LMO7: variants seen among roughly 807,000 people sequenced by gnomAD.
LMO7 encodes LIM domain only protein 7.
Under a neutral mutation model 206.5 loss-of-function variants are expected in LMO7, and 120 were observed. That is an observed-to-expected ratio of 0.58 (90% CI 0.50 to 0.68). The LOEUF is 0.68. Among genes scored for constraint, LMO7 ranks in the 30% least tolerant of loss-of-function variants. The probability of loss-of-function intolerance (pLI) is 0.00; values close to 1 mark genes in which losing one functional copy is unlikely to be tolerated. For synonymous variants in LMO7, 706 were observed against 681.5 expected, an observed-to-expected ratio of 1.04 and a Z score of -0.56; for missense variants, 1,959 against 1,957.9, an observed-to-expected ratio of 1.00 and a Z score of -0.01.
chr13:75,632,348 C>T (rs532120923), upstream of LMO7, among the ~76,000 whole-genome samples: 7 of 152,172 alleles, frequency 4.6e-5, no homozygotes, highest in Non-Finnish European at 1.0e-4. Flanking sequence ...ATTTGCAAAA[C>T]CCTCCAGCCT....
At chr13:75,837,864 G>T (rs189280256) in intron 19 of LMO7, among the ~76,000 whole-genome samples, 1 of 152,188 alleles carries the variant, frequency 6.6e-6, no homozygotes, top group Admixed American at 6.5e-5. Context: ...CATGGAAGAT[G>T]ATACTTTGGC....
chr13:75,796,619 ATT>A lies in LMO7; in HGVS notation c.349-5_349-4del, dbSNP rs11351364. ...AATCGACTGATCTTGTTGTTCATGG[ATT>A]TTTTTTTTTTTAAGGTTTTGATAAC... On this transcript the variant is annotated splice_polypyrimidine_tract_variant and intron_variant, in intron 5 of 30. Coordinates refer to ENST00000377534, the MANE Select transcript of LMO7 (RefSeq NM_001306080.2). 7,978 of 1,277,704 alleles carry A rather than the reference ATT, an allele frequency of 6.2e-3. No homozygotes were observed. The highest frequency in any genetic ancestry group is 0.013 in the East Asian group (467 of 36,446). 79.1% of individuals were successfully genotyped at this position (1,277,704 alleles called of 1,614,324 possible).
At chr13:75,843,751 T>C (rs1270482158) in intron 25 of LMO7, among the ~76,000 whole-genome samples, 1 of 152,188 alleles carries the variant, frequency 6.6e-6, no homozygotes, top group East Asian at 1.9e-4. Context: ...ACTAAGGACT[T>C]CTAAACAGTC....
At chr13:75,836,218 A>G (rs1595421227) in intron 18 of LMO7, among the ~76,000 whole-genome samples, 179 bp from the exon 19 acceptor site, 1 of 152,196 alleles carries the variant, frequency 6.6e-6, no homozygotes, top group African/African-American at 2.4e-5. Context: ...TTCTGCCACA[A>G]ATATTGAAGT....
At chr13:75,721,020 A>G (rs1037883750) in intron 2 of LMO7, among the ~76,000 whole-genome samples, 40 of 152,216 alleles carry the variant, frequency 2.6e-4, no homozygotes, top group African/African-American at 9.2e-4. Flanking sequence ...AATAAAAGTT[A>G]TTAATTTAAA....
chr13:75,632,015 T>C (rs1457403735), upstream of LMO7: 1 of 152,202 alleles, frequency 6.6e-6, no homozygotes, highest in Non-Finnish European at 1.5e-5. Context: ...ATTGTACCCC[T>C]TTCTCCCATC....
At position 75,795,426 on chromosome 13, in the gene LMO7, A is replaced by C. The variant is rs773782516; in HGVS notation, c.343A>C (p.Lys115Gln). ...VKQEETDRRV[K>Q]NVLITLYWLG... Reference sequence around the variant, plus strand: ...GCAAGAAGAGACTGACAGGAGAGTGAAAAATGTAAGATACATTTACCTTAA... The same window carrying C: ...GCAAGAAGAGACTGACAGGAGAGTGCAAAATGTAAGATACATTTACCTTAA... Residue 115 changes from lysine to glutamine, a missense_variant, in exon 5 of 31, where the codon AAA becomes CAA. Lys to Gln is a moderately conservative substitution (Grantham distance 53). Coordinates refer to ENST00000377534, the MANE Select transcript of LMO7 (RefSeq NM_001306080.2). 3 of 1,589,382 alleles carry C rather than the reference A, an allele frequency of 1.9e-6. No individual in the cohort carries two copies. Among genetic ancestry groups the C allele is most frequent in the Non-Finnish European group, 2.6e-6 (3 of 1,162,156 alleles).
chr13:75,835,977 T>C (rs972060980), intron 18 of LMO7, among the ~76,000 whole-genome samples: 23 of 152,190 alleles, frequency 1.5e-4, no homozygotes, highest in Admixed American at 9.8e-4. Context: ...TATGCACTTA[T>C]ACTCACTCCT....
intron 2 of LMO7, among the ~76,000 whole-genome samples, chr13:75,716,917 T>A (rs555098569): frequency 6.8e-6 from 1 of 146,306 alleles, no homozygotes; most frequent in East Asian, 2.0e-4. Flanking sequence ...TTTTCTCTGA[T>A]GAAGAAAGAA....
chr13:75,661,500 C>T (rs1268120255), intron 1 of LMO7, among the ~76,000 whole-genome samples: 1 of 152,118 alleles, frequency 6.6e-6, no homozygotes, highest in Non-Finnish European at 1.5e-5. Context: ...AAGTAAGAAG[C>T]TGTTTCAATT....
chr13:75,753,320 A>C (rs981306586), intron 3 of LMO7, among the ~76,000 whole-genome samples: 1 of 151,964 alleles, frequency 6.6e-6, no homozygotes, highest in East Asian at 1.9e-4. Context: ...CTGCTGTTGG[A>C]TGTATATAGT....
intron 2 of LMO7, among the ~76,000 whole-genome samples, chr13:75,718,539 C>G (rs917465328): frequency 3.3e-5 from 5 of 152,080 alleles, no homozygotes; most frequent in African/African-American, 1.2e-4. Context: ...ACAGAAAGAT[C>G]CCATATTTTC....
intron 28 of LMO7, 183 bp from the exon 29 acceptor site, chr13:75,855,077 G>T (rs1241161566): frequency 5.8e-6 from 3 of 519,138 alleles, no homozygotes; most frequent in Non-Finnish European, 1.0e-5. Context: ...CCATGGAGAT[G>T]GTTCAAAGTT....
intron 3 of LMO7, among the ~76,000 whole-genome samples, chr13:75,737,546 G>T (rs2045931032): frequency 6.7e-6 from 1 of 149,078 alleles, no homozygotes; most frequent in Non-Finnish European, 1.5e-5. Flanking sequence ...GAGGTCAGGA[G>T]ATCGAGACCA....
intron 1 of LMO7, among the ~76,000 whole-genome samples, chr13:75,650,726 AT>A (rs1017694783): frequency 5.9e-5 from 9 of 152,022 alleles, no homozygotes; most frequent in South Asian, 2.1e-4. Flanking sequence ...AAATAAATTG[AT>A]TTTTTTGTCT....
intron 7 of LMO7, 178 bp from the exon 8 acceptor site, chr13:75,804,111 A>G: frequency 4.9e-6 from 3 of 616,420 alleles, no homozygotes; most frequent in East Asian, 2.8e-5. Context: ...CAGTATGCAA[A>G]GCAAGTTCCT....
At chr13:75,803,502 C>A (rs899841168) in intron 7 of LMO7, among the ~76,000 whole-genome samples, 15 of 152,198 alleles carry the variant, frequency 9.9e-5, no homozygotes, top group East Asian at 1.9e-4. Context: ...TGTTCTCCCC[C>A]CTTTTCTTCC....
intron 2 of LMO7, among the ~76,000 whole-genome samples, chr13:75,715,717 A>G (rs1309902675): frequency 2.6e-5 from 4 of 152,226 alleles, no homozygotes; most frequent in African/African-American, 9.6e-5. Flanking sequence ...AACGAATAAA[A>G]AGCCCAGATA....
chr13:75,782,583 A>G (rs2051687753), intron 4 of LMO7, among the ~76,000 whole-genome samples: 2 of 152,194 alleles, frequency 1.3e-5, no homozygotes, highest in South Asian at 4.1e-4. Context: ...GACTTAAAAC[A>G]ACACAAACTT....
Sources: gnomAD v4.1 joint callset for allele counts (sites outside exome capture counted in the v4.1 genomes callset) on GRCh38, gnomAD v4.1.1 for gene constraint, MANE v1.5 for transcripts, NCBI Gene and HGNC (gene_info 2026-07-23, HGNC 2026-07-21) for gene names.